The following RIMBP2 variants were observed in gnomAD, a reference collection of about 807,000 sequenced individuals.
RIMBP2 encodes RIMS binding protein 2.
In RIMBP2, 48 loss-of-function variants were observed where a neutral mutation model predicts 118.6. That is an observed-to-expected ratio of 0.40 (90% CI 0.32 to 0.51). RIMBP2 has a LOEUF of 0.51. RIMBP2 is among the 20% of genes least tolerant of loss of function. The probability of loss-of-function intolerance (pLI) is 0.41; values close to 1 mark genes in which losing one functional copy is unlikely to be tolerated. For synonymous variants in RIMBP2, 762 were observed against 742.9 expected, an observed-to-expected ratio of 1.03 and a Z score of -0.42; for missense variants, 1,551 against 1,768.3, an observed-to-expected ratio of 0.88 and a Z score of 2.20.
At position 130,506,737 on chromosome 12, in the gene RIMBP2, G is replaced by C; in HGVS notation, c.-93C>G. On this transcript the variant is annotated 5_prime_UTR_variant, in exon 4 of 23. Coordinates refer to ENST00000690449, the MANE Select transcript of RIMBP2 (RefSeq NM_001393629.1). ...TCGCGCTCTCTGGTCACGAGGGTGA[G>C]CGGATGGTTGAGATGCACATACTCT... 1.0e-6 allele frequency: 1 copy of C among 985,768 alleles called. No homozygotes were observed. Among genetic ancestry groups the C allele is most frequent in the South Asian group, 4.7e-5 (1 of 21,288 alleles). 61.1% of individuals were successfully genotyped at this position (985,768 alleles called of 1,614,324 possible).
Position 130,491,699 on chromosome 12 carries a change from C to T in RIMBP2, c.-3-12683G>A, listed in dbSNP as rs537847875. Reference sequence around the variant, plus strand: ...CGGGTTTCGCCCAGAGACAGAATCCCACCACACCCTGACACCGGGCTTCCG... The same window carrying T: ...CGGGTTTCGCCCAGAGACAGAATCCTACCACACCCTGACACCGGGCTTCCG... On this transcript the variant is annotated intron_variant, in intron 4 of 22. Transcript: ENST00000690449. Among the ~76,000 whole-genome samples the T allele has an allele frequency of 1.0e-3, 157 of 152,328 alleles. 1 individual carries two copies. Among genetic ancestry groups the T allele is most frequent in the South Asian group, 1.0e-3 (5 of 4,820 alleles).
At chr12:130,702,107 T>C (rs2065882634) in intron 1 of RIMBP2, among the ~76,000 whole-genome samples, 1 of 151,924 alleles carries the variant, frequency 6.6e-6, no homozygotes, top group African/African-American at 2.4e-5. Context: ...ACAACAAGGG[T>C]CCCAGCTGTT....
intron 3 of RIMBP2, among the ~76,000 whole-genome samples, chr12:130,510,423 G>A (rs977012425): frequency 2.6e-5 from 4 of 151,766 alleles, no homozygotes; most frequent in African/African-American, 9.7e-5. Flanking sequence ...AAGGTGAAGA[G>A]TCCAGACAGA....
Position 130,447,346 on chromosome 12 carries a change from G to T in RIMBP2, c.582-2077C>A, listed in dbSNP as rs2078615447. ...ACCTCGTCGGTGCTCCTGCGTGTGG[G>T]CCCTGGAGGCCACCCGACCTCGTGG... On this transcript the variant is annotated intron_variant, in intron 9 of 22. Transcript: ENST00000690449. The surrounding 1 kb of genome is among the most constrained non-coding windows in gnomAD (Gnocchi z 4.4). Among the ~76,000 whole-genome samples, 1 of 151,692 alleles carries T rather than the reference G, an allele frequency of 6.6e-6. No individual in the cohort carries two copies. The highest frequency in any genetic ancestry group is 2.1e-4 in the South Asian group (1 of 4,788).
chr12:130,586,449 T>C (rs557565374), intron 2 of RIMBP2, among the ~76,000 whole-genome samples: 30 of 152,194 alleles, frequency 2.0e-4, no homozygotes, highest in African/African-American at 7.0e-4. Flanking sequence ...GGAAACTCCA[T>C]CTCAAAAAGA....
chr12:130,713,195 AAGGAAGGAAGGAAGAT>A (rs1207290531), intron 1 of RIMBP2, among the ~76,000 whole-genome samples: 14 of 147,998 alleles, frequency 9.5e-5, no homozygotes, highest in East Asian at 2.0e-4. Flanking sequence ...GGAAAGAAGG[AAGGAAGGAAGGAAGAT>A]AGGAAGGAAG....
intron 21 of RIMBP2, among the ~76,000 whole-genome samples, chr12:130,402,227 G>C (rs1388643584): frequency 1.3e-5 from 2 of 152,168 alleles, no homozygotes; most frequent in African/African-American, 4.8e-5. Flanking sequence ...TGTTTGGAGA[G>C]GCTCAGAGGT....
At chr12:130,467,001 A>G (rs925943504) in intron 6 of RIMBP2, among the ~76,000 whole-genome samples, 2 of 152,202 alleles carry the variant, frequency 1.3e-5, no homozygotes, top group African/African-American at 4.8e-5. Flanking sequence ...CTACCTATTG[A>G]AACCACCATT....
In RIMBP2 at chr12:130,607,489, GT is replaced by G. The variant is rs367617429; in HGVS notation, c.-217+20832del. 2.0e-3 allele frequency among the ~76,000 whole-genome samples: 303 copies of G among 152,098 alleles called. 2 individuals are homozygous for G. The highest frequency in any genetic ancestry group is 6.9e-3 in the African/African-American group (287 of 41,490). On this transcript the variant is annotated intron_variant, in intron 2 of 22. Coordinates refer to ENST00000690449, the MANE Select transcript of RIMBP2 (RefSeq NM_001393629.1). ...TTGTGCATCCGTGGGTTTCTGCCAC[GT>G]CTCCACACCCAGAACCATGCTTCCA...
chr12:130,702,959 T>C (rs1361624561), intron 1 of RIMBP2, among the ~76,000 whole-genome samples: 1 of 152,140 alleles, frequency 6.6e-6, no homozygotes, highest in African/African-American at 2.4e-5. Context: ...GTTGAGAGCA[T>C]CTACTTCTTT....
intron 4 of RIMBP2, among the ~76,000 whole-genome samples, chr12:130,504,432 T>A (rs2050109418): frequency 6.6e-6 from 1 of 151,998 alleles, no homozygotes; most frequent in African/African-American, 2.4e-5. Flanking sequence ...TCCACTCACA[T>A]CACTGACAAC....
intron 2 of RIMBP2, among the ~76,000 whole-genome samples, chr12:130,591,327 G>T (rs2059246304): frequency 6.6e-6 from 1 of 152,172 alleles, no homozygotes. Flanking sequence ...CAACCACTTT[G>T]CCATCGAGAG....
intron 7 of RIMBP2, among the ~76,000 whole-genome samples, chr12:130,452,430 T>C (rs1442124708): frequency 2.6e-5 from 4 of 152,186 alleles, no homozygotes; most frequent in Non-Finnish European, 5.9e-5. Context: ...TGTGAGAACA[T>C]CTGATCCTGG....
chr12:130,441,782 C>A, intron 11 of RIMBP2, 66 bp downstream of exon 11: 1 of 1,420,570 alleles, frequency 7.0e-7, no homozygotes, highest in South Asian at 1.3e-5. Flanking sequence ...ACCTTCCCTC[C>A]CCACTAGCAG....
intron 15 of RIMBP2, chr12:130,427,803 G>A (rs543613876): frequency 4.3e-5 from 7 of 164,000 alleles, no homozygotes; most frequent in East Asian, 1.8e-4. Context: ...CCTGGCCTCC[G>A]CTTTACATTT....
rs75380021 is a variant in RIMBP2 at position 130,459,872 on chromosome 12, G to A, written c.154-3172C>T. Reference sequence around the variant, plus strand: ...GCCTGGCAGGGCCACTCCCACGCCTGTGTCCTATGGGGGCCATAGTGGCGC... The same window carrying A: ...GCCTGGCAGGGCCACTCCCACGCCTATGTCCTATGGGGGCCATAGTGGCGC... On this transcript the variant is annotated intron_variant, in intron 6 of 22. Coordinates refer to ENST00000690449, the MANE Select transcript of RIMBP2 (RefSeq NM_001393629.1). 5.5e-3 allele frequency among the ~76,000 whole-genome samples: 836 copies of A among 152,320 alleles called. 14 individuals carry two copies. Among genetic ancestry groups the A allele is most frequent in the African/African-American group, 0.019 (808 of 41,570 alleles).
intron 2 of RIMBP2, among the ~76,000 whole-genome samples, chr12:130,529,123 G>T (rs75361449): frequency 1.5e-5 from 2 of 136,938 alleles, no homozygotes; most frequent in African/African-American, 5.7e-5. Flanking sequence ...GCCTACAGAA[G>T]GAATGACGTG....
chr12:130,568,207 C>A (rs2057369465), intron 2 of RIMBP2, among the ~76,000 whole-genome samples: 2 of 152,314 alleles, frequency 1.3e-5, no homozygotes, highest in South Asian at 2.1e-4. Context: ...TAAAGCAAAG[C>A]TCAACCAACC....
At chr12:130,684,793 T>TAC (rs1398649625) in intron 1 of RIMBP2, among the ~76,000 whole-genome samples, 3 of 152,218 alleles carry the variant, frequency 2.0e-5, no homozygotes, top group Non-Finnish European at 4.4e-5. Flanking sequence ...CCCATATATA[T>TAC]ACGAGTATTA....
Sources: allele counts gnomAD v4.1 joint callset (sites outside exome capture counted in the v4.1 genomes callset), GRCh38; gene constraint gnomAD v4.1.1; non-coding constraint Gnocchi (gnomAD v3.1); transcripts MANE v1.5; gene names NCBI Gene and HGNC (gene_info 2026-07-23, HGNC 2026-07-21).